The following NAV2 variants were observed in gnomAD, a reference collection of about 807,000 sequenced individuals.
NAV2 encodes the protein neuron navigator 2.
NAV2 carries 54 observed loss-of-function variants against 223.2 expected under a neutral mutation model. That is an observed-to-expected ratio of 0.24 (90% CI 0.19 to 0.30). The LOEUF is 0.30. NAV2 is among the 10% of genes least tolerant of loss of function. The pLI is 1.00. For synonymous variants in NAV2, 1,279 were observed against 1,239.3 expected, an observed-to-expected ratio of 1.03 and a Z score of -0.67; for missense variants, 2,806 against 3,147.5, an observed-to-expected ratio of 0.89 and a Z score of 2.60.
At chr11:19,871,860 G>A (rs956135118) in intron 4 of NAV2, among the ~76,000 whole-genome samples, 29 of 152,238 alleles carry the variant, frequency 1.9e-4, no homozygotes, top group African/African-American at 6.3e-4. Context: ...CACTTTGAGC[G>A]ATTCTTAGAG....
intron 1 of NAV2, among the ~76,000 whole-genome samples, chr11:19,782,435 G>A (rs2056818687): frequency 6.6e-6 from 1 of 152,192 alleles, no homozygotes; most frequent in Non-Finnish European, 1.5e-5. Context: ...TAATAGAGAA[G>A]TAGAGATTTA....
At chr11:19,960,471 T>C (rs1211277011) in intron 10 of NAV2, among the ~76,000 whole-genome samples, 2 of 152,176 alleles carry the variant, frequency 1.3e-5, no homozygotes, top group Non-Finnish European at 2.9e-5. Flanking sequence ...AAAGATGGCC[T>C]ACCATTTTAT....
At chr11:20,052,430 C>CT (rs533570330) in intron 17 of NAV2, among the ~76,000 whole-genome samples, 14 of 152,230 alleles carry the variant, frequency 9.2e-5, no homozygotes, top group Non-Finnish European at 1.9e-4. Context: ...GCCTTTTGTA[C>CT]TTACCAGTTT....
chr11:19,734,669 G>A (rs2052118662), intron 1 of NAV2, among the ~76,000 whole-genome samples: 1 of 152,192 alleles, frequency 6.6e-6, no homozygotes, highest in African/African-American at 2.4e-5. Context: ...TGATCCTGGG[G>A]TTAGGAAGGG....
At chr11:20,073,482 A>G (rs904630232) in intron 22 of NAV2, among the ~76,000 whole-genome samples, 5 of 151,938 alleles carry the variant, frequency 3.3e-5, no homozygotes, top group Non-Finnish European at 4.4e-5. Context: ...TTCTTTTTCT[A>G]TTATTTGGAA....
intron 6 of NAV2, among the ~76,000 whole-genome samples, chr11:19,901,625 GAC>G (rs981829633): frequency 6.6e-6 from 1 of 152,148 alleles, no homozygotes; most frequent in African/African-American, 2.4e-5. Context: ...AATATAGTAA[GAC>G]ACCCAGACAA....
chr11:20,067,835 C>T lies in NAV2; in HGVS notation c.4885-351C>T, dbSNP rs932815419. On this transcript the variant is annotated intron_variant, in intron 20 of 37. Coordinates refer to ENST00000349880, the MANE Select transcript of NAV2 (RefSeq NM_145117.5). ...TAAAGCTATTCAAATTTAACTAGGC[C>T]TCCTGTATTTTTGTTTACTAAATCT... 3.8e-4 allele frequency among the ~76,000 whole-genome samples: 58 copies of T among 151,768 alleles called. 1 individual carries two copies. The highest frequency in any genetic ancestry group is 1.2e-3 in the African/African-American group (50 of 41,300).
chr11:19,627,926 A>AAAG lies in NAV2; in HGVS notation c.76-204538_76-204536dup, dbSNP rs962025631. 8.0e-3 allele frequency among the ~76,000 whole-genome samples: 1,121 copies of AAAG among 139,914 alleles called. 20 individuals are homozygous for AAAG. Among genetic ancestry groups the AAAG allele is most frequent in the African/African-American group, 0.029 (1,040 of 35,654 alleles). 91.8% of individuals were successfully genotyped at this position (139,914 alleles called of 152,430 possible). A position where few individuals can be genotyped will look rare whatever the true frequency, so the allele number is the denominator to read the frequency against. Reference sequence around the variant, plus strand: ...TTCCTTGTTTTCAAAAAAAAAAAAAAAAGAAGAAGAAGAAGAAGAAGAGAT... The same window carrying AAAG: ...TTCCTTGTTTTCAAAAAAAAAAAAAAAAGAAGAAGAAGAAGAAGAAGAAGAGAT... On this transcript the variant is annotated intron_variant, in intron 1 of 37. Transcript: ENST00000360655.
intron 1 of NAV2, among the ~76,000 whole-genome samples, chr11:19,702,305 C>T (rs1478527461): frequency 3.3e-5 from 5 of 152,156 alleles, no homozygotes; most frequent in Non-Finnish European, 1.5e-5. Context: ...TACAGATAAC[C>T]TCCCTTTAAC....
chr11:19,864,474 C>A (rs968427695), intron 3 of NAV2, among the ~76,000 whole-genome samples: 1 of 152,142 alleles, frequency 6.6e-6, no homozygotes, highest in African/African-American at 2.4e-5. Context: ...ATCAGGAGAC[C>A]CAAGTCCAGC....
At chr11:19,887,817 C>T (rs1211648198) in intron 5 of NAV2, among the ~76,000 whole-genome samples, 4 of 152,070 alleles carry the variant, frequency 2.6e-5, no homozygotes, top group Non-Finnish European at 4.4e-5. Context: ...GTAATCATCT[C>T]GCCTGGCAAA....
At chr11:19,836,340 G>C (rs971502085) in intron 2 of NAV2, among the ~76,000 whole-genome samples, 1 of 151,972 alleles carries the variant, frequency 6.6e-6, no homozygotes, top group Non-Finnish European at 1.5e-5. Flanking sequence ...GGTGGATCAT[G>C]AGGTCAGGAG....
chr11:20,042,756 A>G (rs1362698507), intron 12 of NAV2, among the ~76,000 whole-genome samples: 1 of 152,012 alleles, frequency 6.6e-6, no homozygotes. Flanking sequence ...GTAGTTAAGC[A>G]TTGCAAATAT....
chr11:19,775,057 C>T (rs2056043816), intron 1 of NAV2, among the ~76,000 whole-genome samples: 1 of 152,138 alleles, frequency 6.6e-6, no homozygotes, highest in Non-Finnish European at 1.5e-5. Context: ...TTTATCCAGC[C>T]ACTCAACTCC....
chr11:20,114,886 A>T, intron 37 of NAV2, 91 bp downstream of exon 37: 1 of 1,276,450 alleles, frequency 7.8e-7, no homozygotes, highest in Non-Finnish European at 1.1e-6. Context: ...TACAAAGGTG[A>T]CTAAATCCAG....
At position 19,459,293 on chromosome 11, in the gene NAV2, T is replaced by G. The variant is rs539105930; in HGVS notation, c.75+108266T>G. On this transcript the variant is annotated intron_variant, in intron 1 of 37. Transcript: ENST00000360655. ...CTTGTCTTTTTGCATCTTTCCTCTCTGTGAGCTATGTTCTTAGATACTGGT... is the reference window on the plus strand; with the variant it reads ...CTTGTCTTTTTGCATCTTTCCTCTCGGTGAGCTATGTTCTTAGATACTGGT... 1.5e-4 allele frequency among the ~76,000 whole-genome samples: 23 copies of G among 152,346 alleles called. No homozygotes were observed. In the South Asian group the frequency reaches 4.8e-3, roughly 32 times the overall value.
intron 1 of NAV2, among the ~76,000 whole-genome samples, chr11:19,689,489 G>A (rs973913462): frequency 3.3e-5 from 5 of 152,216 alleles, no homozygotes; most frequent in African/African-American, 1.2e-4. Context: ...CAGCCCGGTT[G>A]GGTCAGAGGC....
At chr11:19,769,621 T>C (rs2055544036) in intron 1 of NAV2, among the ~76,000 whole-genome samples, 1 of 152,172 alleles carries the variant, frequency 6.6e-6, no homozygotes, top group South Asian at 2.1e-4. Context: ...GAGTAGATTG[T>C]GTCCACCGTT....
At chr11:19,432,001 C>A (rs1447703176) in intron 1 of NAV2, among the ~76,000 whole-genome samples, 3 of 152,066 alleles carry the variant, frequency 2.0e-5, no homozygotes, top group African/African-American at 4.8e-5. Context: ...AGTTCGAGAC[C>A]AGCCTGGCCA....
Sources: allele counts gnomAD v4.1 joint callset (sites outside exome capture counted in the v4.1 genomes callset), GRCh38; gene constraint gnomAD v4.1.1; transcripts MANE v1.5; gene names NCBI Gene and HGNC (gene_info 2026-07-23, HGNC 2026-07-21).